Variants in BTLA observed in about 807,000 individuals in gnomAD.
The protein encoded by BTLA is B and T lymphocyte associated.
Under a neutral mutation model 25.0 loss-of-function variants are expected in BTLA, and 11 were observed. The ratio of observed to expected loss-of-function variants is 0.44; its 90% CI spans 0.28 to 0.73. The LOEUF (loss-of-function observed/expected upper bound fraction) is 0.73, where lower values mean the gene tolerates loss of function less well. Ranked by LOEUF, BTLA falls within the 30% of genes least tolerant of loss-of-function variation. The probability of loss-of-function intolerance (pLI) is 0.15; values close to 1 mark genes in which losing one functional copy is unlikely to be tolerated. For missense variants in BTLA, 282 were observed against 332.8 expected (o/e 0.85, Z 1.19); for synonymous variants, 104 against 119.8 (o/e 0.87, Z 0.86).
intron 1 of BTLA, among the ~76,000 whole-genome samples, chr3:112,485,078 C>G (rs1301123796): frequency 6.6e-6 from 1 of 152,008 alleles, no homozygotes; most frequent in Non-Finnish European, 1.5e-5. Context: ...AAGTCTCGCT[C>G]TTGTTGCCCA....
intron 1 of BTLA, among the ~76,000 whole-genome samples, chr3:112,488,789 T>C (rs552789233): frequency 2.8e-4 from 43 of 151,948 alleles, no homozygotes; most frequent in Middle Eastern, 3.4e-3. Context: ...AATTTTTATA[T>C]TTTTAGTAGA....
At chr3:112,486,430 C>T (rs2107329780) in intron 1 of BTLA, among the ~76,000 whole-genome samples, 1 of 152,066 alleles carries the variant, frequency 6.6e-6, no homozygotes, top group Non-Finnish European at 1.5e-5. Flanking sequence ...TTGTGCTGAA[C>T]TTCATGTATA....
At chr3:112,473,608 CTTCTT>C (rs2082274281) in intron 2 of BTLA, among the ~76,000 whole-genome samples, 1 of 137,394 alleles carries the variant, frequency 7.3e-6, no homozygotes, top group African/African-American at 2.9e-5. Flanking sequence ...TTTTTTTCTT[CTTCTT>C]TTTTTTTTTT....
intron 1 of BTLA, among the ~76,000 whole-genome samples, chr3:112,481,326 G>C (rs1455729132): frequency 1.3e-5 from 2 of 152,214 alleles, no homozygotes; most frequent in Admixed American, 1.3e-4. Flanking sequence ...AACATCCTTT[G>C]AAATCTACAT....
At chr3:112,494,234 G>C (rs555353238) in intron 1 of BTLA, among the ~76,000 whole-genome samples, 16 of 152,196 alleles carry the variant, frequency 1.1e-4, no homozygotes, top group Non-Finnish European at 1.8e-4. Context: ...TCAGAATGGT[G>C]ATTATTAAAA....
At chr3:112,471,076 C>A in intron 3 of BTLA, 136 bp downstream of exon 3, 1 of 1,216,962 alleles carries the variant, frequency 8.2e-7, no homozygotes, top group South Asian at 1.7e-5. Context: ...TATGAGTTGT[C>A]TTCTAGGAAA....
intron 2 of BTLA, among the ~76,000 whole-genome samples, chr3:112,478,897 G>A (rs542823426): frequency 4.0e-5 from 6 of 151,864 alleles, no homozygotes; most frequent in African/African-American, 9.7e-5. Flanking sequence ...GGCCTCTTTC[G>A]GGGAACAGGG....
Position 112,469,895 on chromosome 3 carries a change from C to T in BTLA, c.548-91G>A, listed in dbSNP as rs192781704. ...CACCCATGCTTATCCTGTTGAATGC[C>T]AGGGATAGTGTTGTTAGTTTTGGCT... On this transcript the variant is annotated intron_variant, in intron 3 of 4. Transcript: ENST00000334529. 4.6e-3 allele frequency: 4,682 copies of T among 1,011,740 alleles called. 27 individuals are homozygous for T. The highest frequency in any genetic ancestry group is 5.4e-3 in the Non-Finnish European group (3,581 of 661,710). The allele number at this position is 1,011,740 out of a possible 1,614,324, so 62.7% of individuals were successfully genotyped here. A position where few individuals can be genotyped will look rare whatever the true frequency, so the allele number is the denominator to read the frequency against.
intron 1 of BTLA, among the ~76,000 whole-genome samples, chr3:112,498,987 A>G (rs992102741): frequency 1.3e-5 from 2 of 152,218 alleles, no homozygotes; most frequent in African/African-American, 4.8e-5. Flanking sequence ...TTTGTACTTA[A>G]CTATTTATAA....
intron 2 of BTLA, among the ~76,000 whole-genome samples, chr3:112,473,492 T>A (rs1183903971): frequency 1.3e-5 from 2 of 152,132 alleles, no homozygotes; most frequent in African/African-American, 4.8e-5. Flanking sequence ...AAGAGGCACA[T>A]TCAGCAGGTG....
chr3:112,475,339 T>C (rs1323413958), intron 2 of BTLA, among the ~76,000 whole-genome samples: 1 of 152,140 alleles, frequency 6.6e-6, no homozygotes, highest in Non-Finnish European at 1.5e-5. Context: ...CCTATTTAGC[T>C]CTTAGACTTT....
At chr3:112,466,841 T>C (rs1189907658) in intron 4 of BTLA, among the ~76,000 whole-genome samples, 2 of 152,240 alleles carry the variant, frequency 1.3e-5, no homozygotes, top group Admixed American at 6.5e-5. Flanking sequence ...AGCCAAGATA[T>C]ATTATTATAA....
Position 112,464,328 on chromosome 3 carries a change from G to C in BTLA, c.*1780C>G. ...TTTTAAGTTTGAGAGAATCATGAAG[G>C]AACTGTTCAATTTCGTGTGTTCATC... On this transcript the variant is annotated 3_prime_UTR_variant, in exon 5 of 5. Coordinates refer to ENST00000334529, the MANE Select transcript of BTLA (RefSeq NM_181780.4). 1 of 389,980 alleles carries C rather than the reference G, an allele frequency of 2.6e-6. No individual in the cohort carries two copies. The highest frequency in any genetic ancestry group is 4.5e-6 in the Non-Finnish European group (1 of 220,706). The allele number at this position is 389,980 out of a possible 1,614,324, so 24.2% of individuals were successfully genotyped here. A position where few individuals can be genotyped will look rare whatever the true frequency, so the allele number is the denominator to read the frequency against.
chr3:112,479,089 A>G (rs1424050902), intron 2 of BTLA, among the ~76,000 whole-genome samples: 1 of 151,712 alleles, frequency 6.6e-6, no homozygotes, highest in Non-Finnish European at 1.5e-5. Flanking sequence ...GAAAAAGAGA[A>G]AAAAAAAACA....
intron 1 of BTLA, among the ~76,000 whole-genome samples, chr3:112,495,993 A>G (rs2082407112): frequency 6.6e-6 from 1 of 152,228 alleles, no homozygotes; most frequent in African/African-American, 2.4e-5. Flanking sequence ...TTACTGAACC[A>G]GACTAGGATT....
intron 1 of BTLA, among the ~76,000 whole-genome samples, chr3:112,482,102 A>G (rs2082321044): frequency 6.6e-6 from 1 of 152,132 alleles, no homozygotes; most frequent in African/African-American, 2.4e-5. Context: ...TTTATTTTCC[A>G]GTAAAGTTAA....
intron 2 of BTLA, among the ~76,000 whole-genome samples, chr3:112,473,112 A>C (rs1214468161): frequency 6.6e-6 from 1 of 151,202 alleles, no homozygotes; most frequent in East Asian, 2.0e-4. Context: ...CAAACTCAAA[A>C]CTCCCCCTAA....
At position 112,465,628 on chromosome 3, in the gene BTLA, G is replaced by C. The variant is rs191512070; in HGVS notation, c.*480C>G. The C allele has an allele frequency of 6.5e-6, 1 of 152,896 alleles. No homozygotes were observed. Among genetic ancestry groups the C allele is most frequent in the East Asian group, 1.9e-4 (1 of 5,186 alleles). 9.5% of individuals were successfully genotyped at this position (152,896 alleles called of 1,614,324 possible). A position where few individuals can be genotyped will look rare whatever the true frequency, so the allele number is the denominator to read the frequency against. On this transcript the variant is annotated 3_prime_UTR_variant, in exon 5 of 5. Coordinates refer to ENST00000334529, the MANE Select transcript of BTLA (RefSeq NM_181780.4). ...ATTTAAGAAACACCATTCTTAGACT[G>C]ACACAGCAAAAATTTCTTATTTTGG...
chr3:112,497,090 T>C (rs573336491), intron 1 of BTLA, among the ~76,000 whole-genome samples: 1 of 152,326 alleles, frequency 6.6e-6, no homozygotes, highest in East Asian at 1.9e-4. Flanking sequence ...GCAAAATATA[T>C]TGTACTTATT....
Sources: allele counts gnomAD v4.1 joint callset (sites outside exome capture counted in the v4.1 genomes callset), GRCh38; gene constraint gnomAD v4.1.1; transcripts MANE v1.5; gene names NCBI Gene and HGNC (gene_info 2026-07-23, HGNC 2026-07-21).